Variants in GTSF1 observed in about 807,000 individuals in gnomAD.
GTSF1 encodes gametocyte-specific factor 1.
Under a neutral mutation model 28.9 loss-of-function variants are expected in GTSF1, and 11 were observed. The ratio of observed to expected loss-of-function variants is 0.38; its 90% CI spans 0.24 to 0.63. GTSF1 has a LOEUF of 0.63. Ranked by LOEUF, GTSF1 falls within the 30% of genes least tolerant of loss-of-function variation. The probability of loss-of-function intolerance (pLI) is 0.56; values close to 1 mark genes in which losing one functional copy is unlikely to be tolerated. For synonymous variants in GTSF1, 69 were observed against 65.6 expected, an observed-to-expected ratio of 1.05 and a Z score of -0.25; for missense variants, 146 against 201.0, an observed-to-expected ratio of 0.73 and a Z score of 1.66.
intron 8 of GTSF1, 147 bp from the exon 9 acceptor site, chr12:54,456,300 A>G (rs1001316676): frequency 1.3e-5 from 2 of 152,236 alleles, no homozygotes; most frequent in African/African-American, 4.8e-5. Context: ...GCAGAACACC[A>G]AGTACCTTCT....
intron 2 of GTSF1, among the ~76,000 whole-genome samples, chr12:54,469,711 C>T (rs558016067): frequency 1.6e-5 from 2 of 128,230 alleles, no homozygotes; most frequent in East Asian, 2.3e-4. Flanking sequence ...AAAAAAAAGA[C>T]AGGGTCTTGC....
At chr12:54,471,349 G>T in intron 1 of GTSF1, 72 bp from the exon 2 acceptor site, 1 of 1,022,772 alleles carries the variant, frequency 9.8e-7, no homozygotes, top group Non-Finnish European at 1.4e-6. Flanking sequence ...AAGAAGTGGA[G>T]TCACTTCTGG....
rs761614764 is a variant in GTSF1, at chr12:54,462,502, C to A, written c.328+140G>T. Reference sequence around the variant, plus strand: ...GTGTCTGCACAGCGATACAAATGTGCTCGTTTTGGGGCCCAATAAAAATAA... The same window carrying A: ...GTGTCTGCACAGCGATACAAATGTGATCGTTTTGGGGCCCAATAAAAATAA... On this transcript the variant is annotated intron_variant, in intron 5 of 8. Transcript: ENST00000305879. The A allele has an allele frequency of 1.5e-4, 108 of 708,140 alleles. 1 individual carries two copies. The highest frequency in any genetic ancestry group is 2.5e-4 in the Non-Finnish European group (105 of 413,958). 43.9% of individuals were successfully genotyped at this position (708,140 alleles called of 1,614,324 possible).
rs148835840 is a variant in GTSF1 at position 54,468,416 on chromosome 12, C to T, written c.16+2817G>A. 2.0e-3 allele frequency among the ~76,000 whole-genome samples: 298 copies of T among 152,264 alleles called. 6 individuals carry two copies. The East Asian group carries it at 0.026, about 13-fold the overall frequency. On this transcript the variant is annotated intron_variant, in intron 2 of 8. Transcript: ENST00000305879. ...GATTACAGGCATAAGCCACCGTGCC[C>T]GGCCAATGTATGAGTATTTCTCTTG...
intron 1 of GTSF1, chr12:54,471,886 A>C (rs951256133): frequency 6.5e-6 from 1 of 153,688 alleles, no homozygotes; most frequent in African/African-American, 2.4e-5. Context: ...CCCAAAAACA[A>C]ACAAACAAAC....
Position 54,463,301 on chromosome 12 carries a change from TG to T in GTSF1, c.118-5del. On this transcript the variant is annotated splice_polypyrimidine_tract_variant and splice_region_variant and intron_variant, in intron 3 of 8. Coordinates refer to ENST00000305879, the MANE Select transcript of GTSF1 (RefSeq NM_144594.3). ...TGCTTGCAACATCAGGATGATTCTGTGGAACCAAAATTAAGGGATCTGTCAG... is the reference window on the plus strand; with the variant it reads ...TGCTTGCAACATCAGGATGATTCTGTGAACCAAAATTAAGGGATCTGTCAG... 1 of 1,613,690 alleles carries T rather than the reference TG, an allele frequency of 6.2e-7. No individual in the cohort carries two copies. The highest frequency in any genetic ancestry group is 8.5e-7 in the Non-Finnish European group (1 of 1,179,714).
intron 4 of GTSF1, among the ~76,000 whole-genome samples, chr12:54,462,957 AT>A (rs1369587986): frequency 1.3e-5 from 2 of 152,200 alleles, no homozygotes; most frequent in African/African-American, 2.4e-5. Flanking sequence ...TTTTAGATGA[AT>A]TATTAGTAAA....
intron 2 of GTSF1, 69 bp downstream of exon 2, chr12:54,471,164 G>A: frequency 7.8e-7 from 1 of 1,277,970 alleles, no homozygotes; most frequent in Non-Finnish European, 1.1e-6. Flanking sequence ...CACACTAAAA[G>A]TCTTGTCAGA....
At chr12:54,457,775 C>A (rs1349317230) in intron 8 of GTSF1, among the ~76,000 whole-genome samples, 1 of 150,364 alleles carries the variant, frequency 6.7e-6, no homozygotes, top group Non-Finnish European at 1.5e-5. Context: ...CTGATGTACC[C>A]CAGTGCTGGT....
chr12:54,464,600 A>C (rs1180514546), intron 3 of GTSF1: 1 of 152,424 alleles, frequency 6.6e-6, no homozygotes, highest in Non-Finnish European at 1.5e-5. Flanking sequence ...TATTTTTTTA[A>C]AGATGTTTAC....
chr12:54,467,455 C>A (rs1328339605), intron 2 of GTSF1, among the ~76,000 whole-genome samples: 1 of 151,944 alleles, frequency 6.6e-6, no homozygotes, highest in East Asian at 1.9e-4. Context: ...GCTGGGATTA[C>A]AGGCATCCAC....
chr12:54,467,435 C>T (rs140068897), intron 2 of GTSF1, among the ~76,000 whole-genome samples: 81 of 152,038 alleles, frequency 5.3e-4, no homozygotes, highest in African/African-American at 1.8e-3. Context: ...CTGCCTCAGA[C>T]TCTTGAGTAG....
At chr12:54,468,407 C>T (rs1184746802) in intron 2 of GTSF1, among the ~76,000 whole-genome samples, 2 of 152,214 alleles carry the variant, frequency 1.3e-5, no homozygotes, top group Admixed American at 1.3e-4. Context: ...AGGCATAAGC[C>T]ACCGTGCCCG....
chr12:54,471,534 T>C (rs1956594213), intron 1 of GTSF1, among the ~76,000 whole-genome samples: 1 of 152,220 alleles, frequency 6.6e-6, no homozygotes, highest in African/African-American at 2.4e-5. Flanking sequence ...ATATGACTCC[T>C]ATAGTTCAAA....
chr12:54,459,041 A>C (rs1488826995), intron 8 of GTSF1, 48 bp downstream of exon 8: 1 of 1,365,576 alleles, frequency 7.3e-7, no homozygotes, highest in African/African-American at 1.4e-5. Flanking sequence ...GTCCAGTTAA[A>C]TCTTGCTACC....
intron 2 of GTSF1, among the ~76,000 whole-genome samples, chr12:54,466,324 T>G (rs1956511766): frequency 6.6e-6 from 1 of 152,220 alleles, no homozygotes; most frequent in Admixed American, 6.5e-5. Flanking sequence ...ACCAGGAGAC[T>G]GCTAGGAAAA....
At chr12:54,463,459 A>G in intron 3 of GTSF1, 162 bp from the exon 4 acceptor site, 1 of 593,546 alleles carries the variant, frequency 1.7e-6, no homozygotes, top group South Asian at 2.1e-5. Flanking sequence ...AGAGGGAATT[A>G]TTTATTGTTT....
chr12:54,457,921 G>A (rs1219845915), intron 8 of GTSF1, among the ~76,000 whole-genome samples: 2 of 152,160 alleles, frequency 1.3e-5, no homozygotes, highest in Non-Finnish European at 2.9e-5. Context: ...ATAGCTAAGG[G>A]ATGTTAACTT....
intron 4 of GTSF1, 91 bp from the exon 5 acceptor site, chr12:54,462,816 G>A: frequency 1.0e-6 from 1 of 958,124 alleles, no homozygotes; most frequent in Non-Finnish European, 1.6e-6. Context: ...TGCAAGGGTA[G>A]CCTGTTGGGT....
Sources: allele counts gnomAD v4.1 joint callset (sites outside exome capture counted in the v4.1 genomes callset), GRCh38; gene constraint gnomAD v4.1.1; transcripts MANE v1.5; gene names NCBI Gene and HGNC (gene_info 2026-07-23, HGNC 2026-07-21).